The following ARHGAP15 variants were observed in gnomAD, a reference collection of about 807,000 sequenced individuals.
ARHGAP15 encodes Rho GTPase activating protein 15, also known as rho GTPase-activating protein 15.
ARHGAP15 carries 51 observed loss-of-function variants against 63.7 expected under a neutral mutation model. That is an observed-to-expected ratio of 0.80 (90% CI 0.64 to 1.01). The LOEUF is 1.01. Ranked by LOEUF, ARHGAP15 falls within the 50% of genes least tolerant of loss-of-function variation. ARHGAP15 has a pLI of 0.00. For missense variants in ARHGAP15, 560 were observed against 564.6 expected, an observed-to-expected ratio of 0.99 and a Z score of 0.08; for synonymous variants, 191 against 193.8, an observed-to-expected ratio of 0.99 and a Z score of 0.12.
intron 10 of ARHGAP15, among the ~76,000 whole-genome samples, chr2:143,542,637 A>G (rs1288262887): frequency 1.4e-5 from 2 of 144,352 alleles, no homozygotes; most frequent in Non-Finnish European, 3.0e-5. Context: ...TATATGATTT[A>G]AAATATATAT....
chr2:143,179,699 C>T (rs1412709620), intron 2 of ARHGAP15, among the ~76,000 whole-genome samples: 1 of 152,070 alleles, frequency 6.6e-6, no homozygotes, highest in Admixed American at 6.6e-5. Flanking sequence ...ACCAACCTTG[C>T]CCATGCAGTG....
Position 143,487,455 on chromosome 2 carries a change from ACCTTC to A in ARHGAP15, c.790_794del (p.Ser264GlufsTer10). The A allele has an allele frequency of 6.2e-7, 1 of 1,613,698 alleles. No individual in the cohort carries two copies. Among genetic ancestry groups the A allele is most frequent in the South Asian group, 1.1e-5 (1 of 90,970 alleles). ...GATTAAAGAAGTTTATTACCCGAAG[ACCTTC>A]CCTGAAAACTCTGCAAGAAAAAGGA... On this transcript the variant is annotated frameshift_variant, in exon 9 of 14. Transcript: ENST00000295095. LOFTEE classifies it high-confidence loss of function.
chr2:143,566,082 A>G (rs1696210399), intron 11 of ARHGAP15, among the ~76,000 whole-genome samples: 1 of 141,026 alleles, frequency 7.1e-6, no homozygotes, highest in Admixed American at 6.8e-5. Flanking sequence ...TAACAGTTGC[A>G]GAGATGGGAA....
intron 8 of ARHGAP15, 141 bp from the exon 9 acceptor site, chr2:143,487,232 A>T (rs1022299690): frequency 2.1e-6 from 2 of 951,634 alleles, no homozygotes; most frequent in Admixed American, 5.2e-5. Flanking sequence ...TTTTACTCAC[A>T]TGGCTTGTTG....
chr2:143,540,307 T>A (rs539451690), intron 10 of ARHGAP15, among the ~76,000 whole-genome samples: 9 of 152,206 alleles, frequency 5.9e-5, no homozygotes, highest in African/African-American at 9.6e-5. Flanking sequence ...AATACAGCAC[T>A]ATGATGGGTC....
In ARHGAP15 at chr2:143,519,275, T is replaced by G; in HGVS notation, c.836T>G (p.Phe279Cys). The change falls in exon 10 of 14, where the codon TTT becomes TGT. Residue 279 changes from phenylalanine to cysteine, a missense_variant. By Grantham distance (205) the Phe-to-Cys change is radical. Coordinates refer to ENST00000295095, the MANE Select transcript of ARHGAP15 (RefSeq NM_018460.4). Reference protein sequence around the residue: ...QEKGLIKDQIFGSHLHKVCER... With the variant: ...QEKGLIKDQICGSHLHKVCER... ...TTTGTTTCTTTTGCAGATCAAATTT[T>G]TGGCTCTCATCTGCACAAAGTGTGT... 1.2e-6 allele frequency: 2 copies of G among 1,612,504 alleles called. No individual in the cohort carries two copies. The highest frequency in any genetic ancestry group is 2.2e-5 in the South Asian group (2 of 91,006).
chr2:143,662,032 T>A (rs1472353207), intron 12 of ARHGAP15, among the ~76,000 whole-genome samples: 2 of 152,228 alleles, frequency 1.3e-5, no homozygotes, highest in South Asian at 4.2e-4. Flanking sequence ...TAGGTAAACA[T>A]AGCAGCCGGG....
At chr2:143,149,181 A>G (rs1261361920) in intron 1 of ARHGAP15, among the ~76,000 whole-genome samples, 2 of 152,046 alleles carry the variant, frequency 1.3e-5, no homozygotes, top group African/African-American at 2.4e-5. Context: ...TAATACATGT[A>G]GAGCAGGGAA....
chr2:143,140,463 A>G (rs1364976127), intron 1 of ARHGAP15, among the ~76,000 whole-genome samples: 1 of 152,134 alleles, frequency 6.6e-6, no homozygotes, highest in African/African-American at 2.4e-5. Context: ...AAAACAGCAA[A>G]CACGAGGAGA....
At chr2:143,692,111 T>C (rs919245770) in intron 12 of ARHGAP15, among the ~76,000 whole-genome samples, 3 of 152,110 alleles carry the variant, frequency 2.0e-5, no homozygotes, top group Non-Finnish European at 4.4e-5. Context: ...GCAGCTAGAC[T>C]CTCATGGTAA....
chr2:143,741,417 G>C (rs1685957650), intron 13 of ARHGAP15: 1 of 152,124 alleles, frequency 6.6e-6, no homozygotes, highest in Non-Finnish European at 1.5e-5. Context: ...TTTAGCTTCA[G>C]CTGTTTTAGA....
chr2:143,527,796 A>T (rs926963750), intron 10 of ARHGAP15, among the ~76,000 whole-genome samples: 3 of 152,124 alleles, frequency 2.0e-5, no homozygotes, highest in Non-Finnish European at 4.4e-5. Flanking sequence ...GATAAATTAT[A>T]TTCAACATTG....
intron 1 of ARHGAP15, among the ~76,000 whole-genome samples, chr2:143,140,796 C>T (rs1689330109): frequency 6.6e-6 from 1 of 152,082 alleles, no homozygotes; most frequent in Non-Finnish European, 1.5e-5. Flanking sequence ...GGTGTTAGCG[C>T]ATCCACTTAA....
chr2:143,737,726 T>TTTA (rs1685799345), intron 13 of ARHGAP15, among the ~76,000 whole-genome samples: 3 of 146,704 alleles, frequency 2.0e-5, no homozygotes, highest in Non-Finnish European at 4.5e-5. Context: ...AACCTATTTA[T>TTTA]TTTATTTATT....
intron 13 of ARHGAP15, among the ~76,000 whole-genome samples, chr2:143,740,450 T>C (rs912600583): frequency 6.6e-6 from 1 of 152,202 alleles, no homozygotes; most frequent in African/African-American, 2.4e-5. Flanking sequence ...ATTTCCTCAA[T>C]TGAAAAATGC....
chr2:143,737,093 T>C (rs115745756), intron 13 of ARHGAP15, among the ~76,000 whole-genome samples: 1,899 of 152,352 alleles, frequency 0.012, 17 homozygotes, highest in Non-Finnish European at 0.015. Flanking sequence ...TCCTGGGACT[T>C]TCCTCTAGTG....
At chr2:143,744,798 G>C (rs1204471615) in intron 13 of ARHGAP15, among the ~76,000 whole-genome samples, 1 of 152,122 alleles carries the variant, frequency 6.6e-6, no homozygotes, top group Admixed American at 6.5e-5. Flanking sequence ...CCATGGAAAG[G>C]CCTGATCTTT....
rs1574474381 is a variant in ARHGAP15 at position 143,456,665 on chromosome 2, A to G, written c.703+19623A>G. Among the ~76,000 whole-genome samples the G allele has an allele frequency of 3.3e-5, 5 of 152,158 alleles. No individual in the cohort carries two copies. The South Asian group carries it at 1.0e-3, about 32-fold the overall frequency. ...TATATTCATTTACAGAGGAGGAAACACAGATATTTAGTTTTGGAGTCTAGA... is the reference window on the plus strand; with the variant it reads ...TATATTCATTTACAGAGGAGGAAACGCAGATATTTAGTTTTGGAGTCTAGA... On this transcript the variant is annotated intron_variant, in intron 8 of 13. Coordinates refer to ENST00000295095, the MANE Select transcript of ARHGAP15 (RefSeq NM_018460.4).
intron 12 of ARHGAP15, among the ~76,000 whole-genome samples, chr2:143,646,167 T>A (rs1343976312): frequency 6.6e-6 from 1 of 152,022 alleles, no homozygotes; most frequent in Non-Finnish European, 1.5e-5. Context: ...AGCACCATAA[T>A]AAATGTATGA....
Sources: allele counts gnomAD v4.1 joint callset (sites outside exome capture counted in the v4.1 genomes callset), GRCh38; gene constraint gnomAD v4.1.1; transcripts MANE v1.5; gene names NCBI Gene and HGNC (gene_info 2026-07-23, HGNC 2026-07-21).